NOL10: variants seen among roughly 807,000 people sequenced by gnomAD.
NOL10 encodes the protein nucleolar protein 10.
Under a neutral mutation model 103.5 loss-of-function variants are expected in NOL10, and 58 were observed. The observed-to-expected ratio is 0.56, with a 90% CI of 0.45 to 0.70. NOL10 has a LOEUF of 0.70. Ranked by LOEUF, NOL10 falls within the 30% of genes least tolerant of loss-of-function variation. The pLI is 0.00. For synonymous variants in NOL10, 287 were observed against 282.5 expected, an observed-to-expected ratio of 1.02 and a Z score of -0.16; for missense variants, 763 against 807.3, an observed-to-expected ratio of 0.95 and a Z score of 0.67.
rs371004705 is a variant in NOL10 at position 10,644,406 on chromosome 2, T to C, written c.974-34A>G. 6 of 1,473,360 alleles carry C rather than the reference T, an allele frequency of 4.1e-6. No individual in the cohort carries two copies. The African/African-American group carries it at 7.3e-5, about 18-fold the overall frequency. 91.3% of individuals were successfully genotyped at this position (1,473,360 alleles called of 1,614,324 possible). ...AAATACAATGAAAAAGGTCAATGCATAGGAAAAAGAAAGTACCCTTTTCTA... is the reference window on the plus strand; with the variant it reads ...AAATACAATGAAAAAGGTCAATGCACAGGAAAAAGAAAGTACCCTTTTCTA... On this transcript the variant is annotated intron_variant, in intron 12 of 20. Coordinates refer to ENST00000381685, the MANE Select transcript of NOL10 (RefSeq NM_024894.4).
chr2:10,596,223 A>AG (rs1642250624), intron 17 of NOL10, among the ~76,000 whole-genome samples: 1 of 112,662 alleles, frequency 8.9e-6, no homozygotes, highest in Admixed American at 1.3e-4. Flanking sequence ...ACCAGGGACT[A>AG]GTTTCGGAAG....
rs907120332 is a variant in NOL10, at chr2:10,680,776, TC to T, written c.211+1194del. ...AGTGGTTGGAAAAGGAATACTGTTA[TC>T]AGCAAAAAATGTTTGGACAATATAC... On this transcript the variant is annotated intron_variant, in intron 3 of 20. Coordinates refer to ENST00000381685, the MANE Select transcript of NOL10 (RefSeq NM_024894.4). Among the ~76,000 whole-genome samples the T allele has an allele frequency of 3.3e-5, 5 of 152,296 alleles. No homozygotes were observed. In the East Asian group the frequency reaches 9.6e-4, roughly 29 times the overall value.
chr2:10,667,260 G>A lies in NOL10; in HGVS notation c.549C>T (p.Asp183=). 2 of 1,587,716 alleles carry A rather than the reference G, an allele frequency of 1.3e-6. No homozygotes were observed. The highest frequency in any genetic ancestry group is 8.6e-7 in the Non-Finnish European group (1 of 1,165,688). The part of the protein sequence containing the change: ...QTDAAENNVC[D]INSVHGLFAT... Reference sequence around the variant, plus strand: ...CAAACAAGCCATGCACTGAATTTATGTCACAAACATTATTCTCCCTAACAC... The same window carrying A: ...CAAACAAGCCATGCACTGAATTTATATCACAAACATTATTCTCCCTAACAC... The change falls in exon 8 of 21, where the codon GAC becomes GAT. Residue 183 remains aspartate (D), a synonymous_variant. Coordinates refer to ENST00000381685, the MANE Select transcript of NOL10 (RefSeq NM_024894.4).
chr2:10,663,038 C>T lies in NOL10; in HGVS notation c.598G>A (p.Val200Met). The T allele has an allele frequency of 6.2e-7, 1 of 1,613,600 alleles. No homozygotes were observed. Among genetic ancestry groups the T allele is most frequent in the East Asian group, 2.2e-5 (1 of 44,884 alleles). Residue 200 changes from valine (V) to methionine (M), a missense_variant, in exon 9 of 21, where the codon GTG (valine) becomes ATG (methionine). Coordinates refer to ENST00000381685, the MANE Select transcript of NOL10 (RefSeq NM_024894.4). ...CGAGTTCTTGGGTCCCAGCACTCCA[C>T]TCTACCCTATGCAAATGAAAAACAA... is the stretch of plus-strand genomic sequence containing the variant. ...LFATGTIEGR[V>M]ECWDPRTRNR...
intron 17 of NOL10, among the ~76,000 whole-genome samples, chr2:10,599,665 T>C (rs931123466): frequency 6.6e-6 from 1 of 152,080 alleles, no homozygotes; most frequent in Non-Finnish European, 1.5e-5. Flanking sequence ...ATTTAAACAA[T>C]ATACTAAAAG....
At chr2:10,621,425 C>T (rs771447143) in intron 13 of NOL10, among the ~76,000 whole-genome samples, 3 of 152,074 alleles carry the variant, frequency 2.0e-5, no homozygotes, top group Non-Finnish European at 2.9e-5. Flanking sequence ...GAGACTCCAT[C>T]TCTATAAAAC....
intron 13 of NOL10, among the ~76,000 whole-genome samples, chr2:10,627,321 C>T (rs1173370417): frequency 6.6e-6 from 1 of 152,140 alleles, no homozygotes; most frequent in African/African-American, 2.4e-5. Context: ...TTGGCTTTAT[C>T]ATTGTAATAC....
At chr2:10,686,984 A>G (rs1057329985) in intron 1 of NOL10, among the ~76,000 whole-genome samples, 17 of 152,332 alleles carry the variant, frequency 1.1e-4, no homozygotes, top group Non-Finnish European at 2.2e-4. Flanking sequence ...AGAAACATCA[A>G]TGTGATAGTT....
chr2:10,689,936 C>T lies in NOL10; in HGVS notation c.-75G>A, dbSNP rs1682520962. Reference sequence around the variant, plus strand: ...TCGAGCACCGTAATCCCGGGACCTCCGAGCCCCTGCTCCGCGGCGTGCGGC... The same window carrying T: ...TCGAGCACCGTAATCCCGGGACCTCTGAGCCCCTGCTCCGCGGCGTGCGGC... On this transcript the variant is annotated 5_prime_UTR_variant, in exon 1 of 21. Coordinates refer to ENST00000381685, the MANE Select transcript of NOL10 (RefSeq NM_024894.4). 4 of 1,406,488 alleles carry T rather than the reference C, an allele frequency of 2.8e-6. No homozygotes were observed. The East Asian group carries it at 9.9e-5, about 35-fold the overall frequency. The allele number at this position is 1,406,488 out of a possible 1,614,324, so 87.1% of individuals were successfully genotyped here.
intron 12 of NOL10, among the ~76,000 whole-genome samples, chr2:10,645,790 A>G (rs1412700788): frequency 2.6e-5 from 4 of 151,968 alleles, no homozygotes; most frequent in African/African-American, 9.7e-5. Context: ...CGGCCTCCCA[A>G]CATGCTGGGA....
intron 11 of NOL10, among the ~76,000 whole-genome samples, chr2:10,656,300 A>T (rs1052813690): frequency 2.6e-5 from 4 of 152,220 alleles, no homozygotes; most frequent in Admixed American, 1.3e-4. Flanking sequence ...AATCTTCCTT[A>T]AAAAAGCCCT....
In NOL10 at chr2:10,589,530, T is replaced by C. The variant is rs377080771; in HGVS notation, c.1596+48A>G. 15 of 1,398,554 alleles carry C rather than the reference T, an allele frequency of 1.1e-5. No individual in the cohort carries two copies. In the African/African-American group the frequency reaches 2.0e-4, roughly 19 times the overall value. 86.6% of individuals were successfully genotyped at this position (1,398,554 alleles called of 1,614,324 possible). ...CTCTTCTAACTTACAAAGAAAACATTACATTAAAGAAACAGTAGCAAATTC... is the reference window on the plus strand; with the variant it reads ...CTCTTCTAACTTACAAAGAAAACATCACATTAAAGAAACAGTAGCAAATTC... On this transcript the variant is annotated intron_variant, in intron 18 of 20. Coordinates refer to ENST00000381685, the MANE Select transcript of NOL10 (RefSeq NM_024894.4).
chr2:10,601,600 C>A (rs1418657765), intron 16 of NOL10, among the ~76,000 whole-genome samples: 1 of 152,020 alleles, frequency 6.6e-6, no homozygotes, highest in East Asian at 1.9e-4. Context: ...TCACTTTAGC[C>A]CTGAAGTTAA....
chr2:10,631,441 A>T (rs2148245335), intron 13 of NOL10, among the ~76,000 whole-genome samples: 1 of 152,370 alleles, frequency 6.6e-6, no homozygotes, highest in East Asian at 1.9e-4. Flanking sequence ...CAAAAAAATT[A>T]AGACAAAAGC....
chr2:10,664,860 T>C (rs1258138160), intron 8 of NOL10, among the ~76,000 whole-genome samples: 1 of 152,184 alleles, frequency 6.6e-6, no homozygotes, highest in Non-Finnish European at 1.5e-5. Flanking sequence ...AAAAAAATGC[T>C]TGTGCAAACA....
rs1023976443 is a variant in NOL10, at chr2:10,689,959, G to A, written c.-98C>T. 6.6e-5 allele frequency: 76 copies of A among 1,145,668 alleles called. No individual in the cohort carries two copies. The highest frequency in any genetic ancestry group is 9.2e-5 in the Non-Finnish European group (73 of 797,052). The allele number at this position is 1,145,668 out of a possible 1,614,324, so 71.0% of individuals were successfully genotyped here. On this transcript the variant is annotated 5_prime_UTR_variant, in exon 1 of 21. Transcript: ENST00000381685. ...TCCGAGCCCCTGCTCCGCGGCGTGCGGCCGCTGGCGCCGACTGATGACGCA... is the reference window on the plus strand; with the variant it reads ...TCCGAGCCCCTGCTCCGCGGCGTGCAGCCGCTGGCGCCGACTGATGACGCA...
rs754798378 is a variant in NOL10, at chr2:10,572,074, A to G, written c.2064T>C (p.His688=). The G allele has an allele frequency of 4.6e-5, 74 of 1,613,420 alleles. No individual in the cohort carries two copies. The change falls in exon 21 of 21, where the codon CAT becomes CAC. Residue 688 remains histidine (H), a synonymous_variant. Coordinates refer to ENST00000381685, the MANE Select transcript of NOL10 (RefSeq NM_024894.4). ...KSRHKRGRSF[H] ...ACAGGTAGGACCACTTCCCAAATCA[A>G]TGAAACGACCGTCCTCTTTTGTGTC...
intron 13 of NOL10, among the ~76,000 whole-genome samples, chr2:10,630,355 T>C (rs11673879): frequency 0.22 from 32,731 of 152,128 alleles, 4,605 homozygotes; most frequent in East Asian, 0.44. Context: ...ATTTCTACTA[T>C]GCAATGTGGA....
Position 10,603,117 on chromosome 2 carries a change from A to G in NOL10, c.1194T>C (p.Tyr398=), listed in dbSNP as rs768873087. The G allele has an allele frequency of 3.7e-6, 6 of 1,611,850 alleles. No homozygotes were observed. The Admixed American group carries it at 8.4e-5, about 22-fold the overall frequency. ...HLIGSPFLRA[Y]MHGFFMDIRL... Reference sequence around the variant, plus strand: ...TTATATCCATGAAAAACCCATGCATATATGCCCGGAGGAAAGGAGATCCAA... The same window carrying G: ...TTATATCCATGAAAAACCCATGCATGTATGCCCGGAGGAAAGGAGATCCAA... Residue 398 remains tyrosine (Y), a synonymous_variant, in exon 15 of 21, where the codon TAT becomes TAC. Transcript: ENST00000381685.
Sources: gnomAD v4.1 joint callset for allele counts (sites outside exome capture counted in the v4.1 genomes callset) on GRCh38, gnomAD v4.1.1 for gene constraint, MANE v1.5 for transcripts, NCBI Gene and HGNC (gene_info 2026-07-23, HGNC 2026-07-21) for gene names.